Variants in ABHD2 observed in about 807,000 individuals in gnomAD.
ABHD2 encodes monoacylglycerol lipase ABHD2.
Under a neutral mutation model 48.1 loss-of-function variants are expected in ABHD2, and 20 were observed. That is an observed-to-expected ratio of 0.42 (90% CI 0.29 to 0.60). The LOEUF (loss-of-function observed/expected upper bound fraction) is 0.60, where lower values mean the gene tolerates loss of function less well. Among genes scored for constraint, ABHD2 ranks in the 20% least tolerant of loss-of-function variants. ABHD2 has a pLI of 0.24. For missense variants in ABHD2, 405 were observed against 550.9 expected (o/e 0.74, Z 2.65); for synonymous variants, 209 against 214.2 (o/e 0.98, Z 0.21).
the ABHD2 span, among the ~76,000 whole-genome samples, chr15:89,053,835 C>T: frequency 2.6e-5 from 4 of 152,168 alleles, no homozygotes; most frequent in African/African-American, 4.8e-5. Flanking sequence ...TTGCTTCTAG[C>T]GGCTGCCAAG....
rs370810519 is a variant in ABHD2, at chr15:89,195,396, G to A, written c.1251G>A (p.Thr417=). ...GTAACAAGTTGCAGTGCTCTGACAC[G>A]GAGCAGGTGGAGGCCGACCTGGAGT... is the stretch of plus-strand genomic sequence containing the variant. ...WERNKLQCSD[T]EQVEADLE The change falls in exon 11 of 11, where the codon ACG becomes ACA. Residue 417 remains threonine (T), a synonymous_variant. Coordinates refer to ENST00000352732, the MANE Select transcript of ABHD2 (RefSeq NM_152924.5). This position sits in a 1 kb window ranked among gnomAD's most constrained non-coding sequence, Gnocchi z 5.1. 1.6e-5 allele frequency: 26 copies of A among 1,613,892 alleles called. No individual in the cohort carries two copies. The highest frequency in any genetic ancestry group is 2.2e-5 in the East Asian group (1 of 44,884).
intron 5 of ABHD2, among the ~76,000 whole-genome samples, chr15:89,171,498 G>A (rs61596673): frequency 0.058 from 8,799 of 152,230 alleles, 898 homozygotes; most frequent in African/African-American, 0.2. Context: ...CCAGAAAGCA[G>A]TTACATGGAT....
At chr15:89,071,957 G>A in the ABHD2 span, among the ~76,000 whole-genome samples, 7 of 152,190 alleles carry the variant, frequency 4.6e-5, no homozygotes, top group South Asian at 2.1e-4. Flanking sequence ...ACCTGAAGAC[G>A]AAGACTATTC....
rs554765953 is a variant in ABHD2, at chr15:89,120,301, T to A, written c.194+3780T>A. ...AGATCAATATTTACCTAGTGATTCATTTTTTGTTCTCATGAAGTGTTTACT... is the reference window on the plus strand; with the variant it reads ...AGATCAATATTTACCTAGTGATTCAATTTTTGTTCTCATGAAGTGTTTACT... On this transcript the variant is annotated intron_variant, in intron 3 of 10. Coordinates refer to ENST00000352732, the MANE Select transcript of ABHD2 (RefSeq NM_152924.5). This position sits in a 1 kb window ranked among gnomAD's most constrained non-coding sequence, Gnocchi z 4.2. Among the ~76,000 whole-genome samples the A allele has an allele frequency of 6.6e-6, 1 of 152,342 alleles. No homozygotes were observed. Among genetic ancestry groups the A allele is most frequent in the Non-Finnish European group, 1.5e-5 (1 of 68,034 alleles).
In ABHD2 at chr15:89,178,652, C is replaced by T. The variant is rs564258535; in HGVS notation, c.722+2657C>T. Among the ~76,000 whole-genome samples, 8 of 152,336 alleles carry T rather than the reference C, an allele frequency of 5.3e-5. No individual in the cohort carries two copies. In the South Asian group the frequency reaches 1.7e-3, roughly 32 times the overall value. Reference sequence around the variant, plus strand: ...TCTAGCTGCTGCTAAACTAGCTCACCTTCTACCTAAATGTGCTGAACCACT... The same window carrying T: ...TCTAGCTGCTGCTAAACTAGCTCACTTTCTACCTAAATGTGCTGAACCACT... On this transcript the variant is annotated intron_variant, in intron 6 of 10. Coordinates refer to ENST00000352732, the MANE Select transcript of ABHD2 (RefSeq NM_152924.5).
the ABHD2 span, chr15:89,075,179 C>G: frequency 6.6e-6 from 1 of 152,166 alleles, no homozygotes; most frequent in Non-Finnish European, 1.5e-5. The surrounding 1 kb of genome is among the most constrained non-coding windows in gnomAD (Gnocchi z 4.1). Context: ...TTGGGAGCAG[C>G]TATCATGTAA....
rs796982328 is a variant in ABHD2 at position 89,186,860 on chromosome 15, A to G, written c.816-1333A>G. Among the ~76,000 whole-genome samples, 7 of 152,358 alleles carry G rather than the reference A, an allele frequency of 4.6e-5. No individual in the cohort carries two copies. Among genetic ancestry groups the G allele is most frequent in the African/African-American group, 1.4e-4 (6 of 41,594 alleles). On this transcript the variant is annotated intron_variant, in intron 7 of 10. Transcript: ENST00000352732. This position sits in a 1 kb window ranked among gnomAD's most constrained non-coding sequence, Gnocchi z 4.3. The stretch of plus-strand genomic sequence containing the variant: ...GGGCTTCCTACGGGTGGGCGTTCAC[A>G]TGGCACCTAAGCAAGGCTGGGCTTG...
At chr15:89,047,006 T>A in the ABHD2 span, among the ~76,000 whole-genome samples, 1 of 151,972 alleles carries the variant, frequency 6.6e-6, no homozygotes, top group Non-Finnish European at 1.5e-5. Flanking sequence ...CAATTTTGGA[T>A]CTTTCCTGCT....
At position 89,159,236 on chromosome 15, in the gene ABHD2, G is replaced by T. The variant is rs182398621; in HGVS notation, c.538+3702G>T. ...TACTACAAACACAAAAATTAGCCAG[G>T]CATGGTGGCAGGCACCTGTAATCCC... On this transcript the variant is annotated intron_variant, in intron 5 of 10. Transcript: ENST00000352732. Among the ~76,000 whole-genome samples, 693 of 152,082 alleles carry T rather than the reference G, an allele frequency of 4.6e-3. 4 individuals carry two copies. Among genetic ancestry groups the T allele is most frequent in the African/African-American group, 0.016 (663 of 41,502 alleles).
At chr15:89,052,131 C>G in the ABHD2 span, among the ~76,000 whole-genome samples, 5 of 152,168 alleles carry the variant, frequency 3.3e-5, no homozygotes, top group Non-Finnish European at 7.4e-5. Flanking sequence ...CAGTATTATT[C>G]AACTAGGTTA....
At chr15:89,047,035 G>T in the ABHD2 span, among the ~76,000 whole-genome samples, 1 of 151,278 alleles carries the variant, frequency 6.6e-6, no homozygotes, top group Non-Finnish European at 1.5e-5. Context: ...TGGGCATTTA[G>T]TGCTATAAAT....
chr15:89,090,105 A>T (rs1407386060), intron 1 of ABHD2, among the ~76,000 whole-genome samples: 1 of 152,084 alleles, frequency 6.6e-6, no homozygotes, highest in African/African-American at 2.4e-5. Context: ...TTTCACTCCA[A>T]GCTTAGTTTG....
At chr15:89,170,494 C>CA (rs35398682) in intron 5 of ABHD2, among the ~76,000 whole-genome samples, 59,227 of 151,844 alleles carry the variant, frequency 0.39, 12,322 homozygotes, top group East Asian at 0.81. Context: ...CTACAAACAC[C>CA]AAAATGCTGC....
the ABHD2 span, among the ~76,000 whole-genome samples, chr15:89,044,796 G>A: frequency 6.6e-6 from 1 of 152,076 alleles, no homozygotes; most frequent in African/African-American, 2.4e-5. Context: ...TGTAGATTCT[G>A]GATATTAGCC....
At chr15:89,101,054 A>G (rs753469527) in intron 1 of ABHD2, among the ~76,000 whole-genome samples, 4 of 152,206 alleles carry the variant, frequency 2.6e-5, no homozygotes, top group Non-Finnish European at 4.4e-5. Flanking sequence ...TTCTAATGGT[A>G]TTTCAGTATT....
chr15:89,113,085 G>A (rs1353282500), intron 1 of ABHD2, among the ~76,000 whole-genome samples: 1 of 152,190 alleles, frequency 6.6e-6, no homozygotes, highest in Non-Finnish European at 1.5e-5. Context: ...TCTTTTAGCA[G>A]CTTCTTGCAC....
At position 89,175,053 on chromosome 15, in the gene ABHD2, T is replaced by G. The variant is rs1163386682; in HGVS notation, c.539-759T>G. On this transcript the variant is annotated intron_variant, in intron 5 of 10. Coordinates refer to ENST00000352732, the MANE Select transcript of ABHD2 (RefSeq NM_152924.5). This position sits in a 1 kb window ranked among gnomAD's most constrained non-coding sequence, Gnocchi z 5.7. ...GAGCATCCTGGCAGTCCCTCTGGACTGAAGTTTATCTTTCCTCTCCTTTCC... is the reference window on the plus strand; with the variant it reads ...GAGCATCCTGGCAGTCCCTCTGGACGGAAGTTTATCTTTCCTCTCCTTTCC... Among the ~76,000 whole-genome samples, 1 of 152,200 alleles carries G rather than the reference T, an allele frequency of 6.6e-6. No homozygotes were observed. Among genetic ancestry groups the G allele is most frequent in the African/African-American group, 2.4e-5 (1 of 41,440 alleles).
chr15:89,098,826 G>A (rs1337770937), intron 1 of ABHD2, among the ~76,000 whole-genome samples: 5 of 152,108 alleles, frequency 3.3e-5, no homozygotes, highest in African/African-American at 7.2e-5. Flanking sequence ...CACTGACATC[G>A]CAAGAGAAAT....
At chr15:89,078,389 T>C in the ABHD2 span, among the ~76,000 whole-genome samples, 1 of 152,202 alleles carries the variant, frequency 6.6e-6, no homozygotes, top group Non-Finnish European at 1.5e-5. Flanking sequence ...AAACTCACTA[T>C]GTCAAAGGGA....
Sources: gnomAD v4.1 joint callset for allele counts (sites outside exome capture counted in the v4.1 genomes callset) on GRCh38, gnomAD v4.1.1 for gene constraint, Gnocchi (gnomAD v3.1) non-coding constraint, MANE v1.5 for transcripts, NCBI Gene and HGNC (gene_info 2026-07-23, HGNC 2026-07-21) for gene names.